NSD2: variants seen among roughly 807,000 people sequenced by gnomAD.
NSD2 encodes nuclear receptor binding SET domain protein 2.
A neutral mutation model predicts 139.0 loss-of-function variants in NSD2; 12 were observed. That is an observed-to-expected ratio of 0.09 (90% CI 0.06 to 0.14). NSD2 has a LOEUF of 0.14. Among genes scored for constraint, NSD2 ranks in the 10% least tolerant of loss-of-function variants. NSD2 has a pLI of 1.00. For synonymous variants in NSD2, 669 were observed against 648.7 expected (o/e 1.03, Z -0.48); for missense variants, 1,155 against 1,745.0 (o/e 0.66, Z 6.02).
At chr4:1,940,630 T>C (rs1722990867) in intron 9 of NSD2, 1 of 1,062,546 alleles carries the variant, frequency 9.4e-7, no homozygotes, top group African/African-American at 1.6e-5. Flanking sequence ...TAGACATGGG[T>C]CCTGTTTTTG....
intron 5 of NSD2, among the ~76,000 whole-genome samples, chr4:1,927,719 GAAAAAAAAA>G (rs1177170379): frequency 0.014 from 257 of 18,886 alleles, no homozygotes; most frequent in Non-Finnish European, 0.019. Flanking sequence ...TCTTATCTCA[GAAAAAAAAA>G]AAAAAAAAAA....
At chr4:1,924,244 G>A (rs1301637154) in intron 5 of NSD2, among the ~76,000 whole-genome samples, 1 of 152,180 alleles carries the variant, frequency 6.6e-6, no homozygotes, top group Non-Finnish European at 1.5e-5. Flanking sequence ...AGGCATGTTG[G>A]GGGAGGGTGC....
intron 18 of NSD2, among the ~76,000 whole-genome samples, chr4:1,962,021 T>TA (rs1725422793): frequency 6.6e-6 from 1 of 152,150 alleles, no homozygotes; most frequent in African/African-American, 2.4e-5. Flanking sequence ...TGATCACCGA[T>TA]AAAAAAATGT....
At chr4:1,881,484 C>T (rs955498050) in intron 1 of NSD2, among the ~76,000 whole-genome samples, 2 of 152,242 alleles carry the variant, frequency 1.3e-5, no homozygotes, top group South Asian at 2.1e-4. Context: ...AGGATGGTCT[C>T]GATCTCCTGA....
chr4:1,905,218 A>G (rs1469824324), intron 3 of NSD2, among the ~76,000 whole-genome samples: 1 of 152,218 alleles, frequency 6.6e-6, no homozygotes, highest in Non-Finnish European at 1.5e-5. Context: ...GGAATAGTAA[A>G]AGATAATGTG....
intron 2 of NSD2, among the ~76,000 whole-genome samples, chr4:1,903,727 G>C (rs148848918): frequency 6.6e-6 from 1 of 150,674 alleles, no homozygotes; most frequent in Non-Finnish European, 1.5e-5. Context: ...GAGAGTGAGA[G>C]AGAAATTTTT....
rs1157710629 is a variant in NSD2, at chr4:1,953,408, A to T, written c.2222A>T (p.Glu741Val). Reference sequence around the variant, plus strand: ...ACTCAGTGTGGAAAATTTTACCATGAGGCTTGTGTGAAAAAATACCCTCTG... The same window carrying T: ...ACTCAGTGTGGAAAATTTTACCATGTGGCTTGTGTGAAAAAATACCCTCTG... ...VVTQCGKFYH[E>V]ACVKKYPLTV... The change falls in exon 12 of 22, where the codon GAG becomes GTG. Residue 741 changes from glutamate (E) to valine (V), a missense_variant. Physicochemically the swap from Glu to Val is moderately radical, Grantham distance 121. Transcript: ENST00000508803. 1.2e-6 allele frequency: 2 copies of T among 1,614,216 alleles called. No individual in the cohort carries two copies. The highest frequency in any genetic ancestry group is 3.3e-5 in the Admixed American group (2 of 60,030).
chr4:1,872,591 T>TGGGAGAGAGAGAGAGA (rs1281608141), intron 1 of NSD2, among the ~76,000 whole-genome samples: 1 of 44,838 alleles, frequency 2.2e-5, no homozygotes, highest in East Asian at 1.3e-3. Context: ...TGTGTGTGTG[T>TGGGAGAGAGAGAGAGA]GAGAGAGAGA....
chr4:1,950,961 T>A, intron 9 of NSD2, 111 bp from the exon 10 acceptor site: 1 of 1,432,262 alleles, frequency 7.0e-7, no homozygotes. Flanking sequence ...GGACCAGTGC[T>A]GAGAAAGACT....
intron 5 of NSD2, among the ~76,000 whole-genome samples, chr4:1,926,827 C>G (rs1042850005): frequency 2.0e-5 from 3 of 152,126 alleles, no homozygotes; most frequent in African/African-American, 7.2e-5. Context: ...TTTACACATC[C>G]ATTAGATTGG....
chr4:1,900,053 C>T (rs1716947183), intron 1 of NSD2, among the ~76,000 whole-genome samples: 1 of 152,178 alleles, frequency 6.6e-6, no homozygotes, highest in Non-Finnish European at 1.5e-5. Context: ...GGAGCTAATC[C>T]TGTGCTTGGA....
intron 9 of NSD2, chr4:1,940,587 AT>A: frequency 1.9e-6 from 2 of 1,063,368 alleles, no homozygotes; most frequent in Non-Finnish European, 2.3e-6. Flanking sequence ...ATTTCTTGTT[AT>A]TTGGTTCTCC....
In NSD2 at chr4:1,918,237, G is replaced by A; in HGVS notation, c.1024G>A (p.Ala342Thr). ...AASMSVEERK[A>T]KFTFLYVGDQ... The stretch of plus-strand genomic sequence containing the variant: ...AAGCATGTCAGTGGAGGAGCGGAAA[G>A]CCAAGTTCACCTTTCTCTATGTGGG... The change falls in exon 5 of 22, where the codon GCC becomes ACC. Residue 342 changes from alanine (A) to threonine (T), a missense_variant. This residue lies in a region of NSD2 where 420 missense variants were observed against 469.0 expected (regional missense o/e 0.90). Transcript: ENST00000508803. The A allele has an allele frequency of 1.2e-6, 2 of 1,613,794 alleles. No homozygotes were observed. Among genetic ancestry groups the A allele is most frequent in the Admixed American group, 1.7e-5 (1 of 59,934 alleles).
intron 2 of NSD2, among the ~76,000 whole-genome samples, chr4:1,902,573 G>A (rs562340439): frequency 4.6e-5 from 7 of 152,202 alleles, no homozygotes; most frequent in South Asian, 4.2e-4. Flanking sequence ...TCATGCTTTT[G>A]CTTGGGAAGA....
At chr4:1,898,078 G>C (rs1477393185) in intron 1 of NSD2, among the ~76,000 whole-genome samples, 1 of 151,958 alleles carries the variant, frequency 6.6e-6, no homozygotes, top group Non-Finnish European at 1.5e-5. Context: ...AGATCTGTGA[G>C]GCTCTGCTTC....
At chr4:1,951,488 A>ACACACAAAGTTC (rs1724248048) in intron 10 of NSD2, among the ~76,000 whole-genome samples, 1 of 147,832 alleles carries the variant, frequency 6.8e-6, no homozygotes, top group Non-Finnish European at 1.5e-5. Context: ...ACACACACAC[A>ACACACAAAGTTC]CACACACACA....
At chr4:1,890,280 GT>G (rs1251667767) in intron 1 of NSD2, among the ~76,000 whole-genome samples, 1 of 151,688 alleles carries the variant, frequency 6.6e-6, no homozygotes, top group Non-Finnish European at 1.5e-5. Context: ...TCTTGTACAA[GT>G]TTTTTTTGTT....
rs1189530837 is a variant in NSD2, at chr4:1,979,303, C to T, written c.*394C>T. The stretch of plus-strand genomic sequence containing the variant: ...CCAAGGGTCGCTAGAAACTCGTCTT[C>T]GCGTTGCCCCCTTTCTGGCTCTCAG... On this transcript the variant is annotated 3_prime_UTR_variant, in exon 22 of 22. Transcript: ENST00000508803. The T allele has an allele frequency of 1.2e-5, 3 of 244,294 alleles. No individual in the cohort carries two copies. Among genetic ancestry groups the T allele is most frequent in the Non-Finnish European group, 2.4e-5 (3 of 126,216 alleles). The allele number at this position is 244,294 out of a possible 1,614,324, so 15.1% of individuals were successfully genotyped here.
At chr4:1,936,600 G>A (rs539240398) in intron 7 of NSD2, among the ~76,000 whole-genome samples, 45 of 150,754 alleles carry the variant, frequency 3.0e-4, no homozygotes, top group South Asian at 8.5e-4. Flanking sequence ...CCTGGGAGGC[G>A]GAGGTTGCAG....
Sources: allele counts gnomAD v4.1 joint callset (sites outside exome capture counted in the v4.1 genomes callset), GRCh38; gene constraint gnomAD v4.1.1; regional missense constraint gnomAD v4.1.1; transcripts MANE v1.5; gene names NCBI Gene and HGNC (gene_info 2026-07-23, HGNC 2026-07-21).